Variants in IL1RAPL1 observed in about 807,000 individuals in gnomAD.
IL1RAPL1 encodes interleukin 1 receptor accessory protein like 1.
IL1RAPL1 carries 3 observed loss-of-function variants against 48.4 expected under a neutral mutation model. The ratio of observed to expected loss-of-function variants is 0.06; its 90% CI spans 0.03 to 0.16. The LOEUF (loss-of-function observed/expected upper bound fraction) is 0.16, where lower values mean the gene tolerates loss of function less well. Ranked by LOEUF, IL1RAPL1 falls within the 10% of genes least tolerant of loss-of-function variation. The pLI, the probability that IL1RAPL1 is intolerant of heterozygous loss-of-function variation, is 1.00. For missense variants in IL1RAPL1, 349 were observed against 530.6 expected (o/e 0.66, Z 3.36); for synonymous variants, 185 against 187.7 (o/e 0.99, Z 0.12).
At position 28,880,135 on chromosome X, in the gene IL1RAPL1, T is replaced by C. The variant is rs187946623; in HGVS notation, c.82+90710T>C. Among the ~76,000 whole-genome samples, 4 of 112,594 alleles carry C rather than the reference T, an allele frequency of 3.6e-5. No individual in the cohort carries two copies. The Admixed American group carries it at 3.8e-4, about 11-fold the overall frequency. ...GCATATTATATCCAGAACCTACAGA[T>C]TGTATTTTTGTCAATGTATGGTTTT... is the stretch of plus-strand genomic sequence containing the variant. On this transcript the variant is annotated intron_variant, in intron 2 of 10. Coordinates refer to ENST00000378993, the MANE Select transcript of IL1RAPL1 (RefSeq NM_014271.4).
intron 2 of IL1RAPL1, among the ~76,000 whole-genome samples, chrX:28,813,422 A>C (rs1936817886): frequency 9.0e-6 from 1 of 110,765 alleles, no homozygotes; most frequent in Non-Finnish European, 1.9e-5. Flanking sequence ...TATCCTTTTA[A>C]ATTTGTTAGG....
At chrX:28,872,978 T>C (rs1306203230) in intron 2 of IL1RAPL1, among the ~76,000 whole-genome samples, 2 of 111,490 alleles carry the variant, frequency 1.8e-5, no homozygotes, top group African/African-American at 6.5e-5. Context: ...CTGCCTTCAG[T>C]TTGCTTTTCA....
chrX:29,080,982 TTCTTTCTTTCTTTCTC>T (rs1478785188), intron 2 of IL1RAPL1, among the ~76,000 whole-genome samples: 9 of 43,351 alleles, frequency 2.1e-4, no homozygotes, highest in African/African-American at 7.1e-4. Context: ...CTTTCTTTCT[TTCTTTCTTTCTTTCTC>T]TCTCTCTCTC....
At chrX:29,310,093 CAAAAAAAAAAAAAAAAAAAAAAAA>C (rs57210050) in intron 3 of IL1RAPL1, among the ~76,000 whole-genome samples, 3 of 23,736 alleles carry the variant, frequency 1.3e-4, no homozygotes, top group African/African-American at 3.8e-4. Context: ...GACTCCGTCT[CAAAAAAAAAAAAAAAAAAAAAAAA>C]AAAAAAAAAA....
intron 1 of IL1RAPL1, among the ~76,000 whole-genome samples, chrX:28,613,855 A>G (rs1291995851): frequency 8.9e-6 from 1 of 112,381 alleles, no homozygotes; most frequent in East Asian, 2.8e-4. Flanking sequence ...ATGGAGACAG[A>G]TTAATTTTAA....
intron 3 of IL1RAPL1, among the ~76,000 whole-genome samples, chrX:29,326,126 GTTCT>G (rs1932841220): frequency 8.9e-6 from 1 of 112,243 alleles, no homozygotes; most frequent in Non-Finnish European, 1.9e-5. Context: ...CACCAAAGCT[GTTCT>G]TTCTATTTTA....
chrX:29,419,462 A>G (rs1934264277), intron 5 of IL1RAPL1, among the ~76,000 whole-genome samples: 1 of 109,912 alleles, frequency 9.1e-6, no homozygotes, highest in Non-Finnish European at 1.9e-5. Context: ...CTGGGATTAC[A>G]GGTGCCCACC....
At chrX:29,381,076 G>T (rs917193455) in intron 3 of IL1RAPL1, among the ~76,000 whole-genome samples, 1 of 111,109 alleles carries the variant, frequency 9.0e-6, no homozygotes, top group Admixed American at 9.6e-5. Context: ...AGATGAGTCT[G>T]TGTTGAGAAA....
intron 5 of IL1RAPL1, 100 bp downstream of exon 5, chrX:29,399,408 C>T: frequency 1.4e-6 from 1 of 698,315 alleles, no homozygotes; most frequent in Middle Eastern, 4.2e-4. Context: ...TAAAGAATTA[C>T]ATAATCAAAT....
intron 2 of IL1RAPL1, among the ~76,000 whole-genome samples, chrX:29,056,266 A>G (rs1376896458): frequency 1.2e-4 from 13 of 111,434 alleles, no homozygotes; most frequent in Non-Finnish European, 2.3e-4. Flanking sequence ...CCTGAGGATA[A>G]TTAATATTAT....
intron 2 of IL1RAPL1, among the ~76,000 whole-genome samples, chrX:28,877,994 T>C (rs1042341781): frequency 4.3e-4 from 48 of 112,124 alleles, no homozygotes; most frequent in African/African-American, 1.4e-3. Flanking sequence ...TAGAAATAAA[T>C]AGTAATGAAG....
Position 29,337,755 on chromosome X carries a change from A to G in IL1RAPL1, c.362+54538A>G, listed in dbSNP as rs751785415. On this transcript the variant is annotated intron_variant, in intron 3 of 10. Coordinates refer to ENST00000378993, the MANE Select transcript of IL1RAPL1 (RefSeq NM_014271.4). The stretch of plus-strand genomic sequence containing the variant: ...AGTGGCTTGATCTTGGCTCACTGAA[A>G]CCTCTGCCTCCTGGGTTTAAGTGAT... Among the ~76,000 whole-genome samples the G allele has an allele frequency of 4.5e-4, 50 of 110,924 alleles. 1 individual carries two copies. The East Asian group carries it at 0.012, about 26-fold the overall frequency.
chrX:29,095,745 T>C (rs921114191), intron 2 of IL1RAPL1, among the ~76,000 whole-genome samples: 3 of 104,670 alleles, frequency 2.9e-5, no homozygotes, highest in African/African-American at 1.0e-4. Context: ...CTGATATAAT[T>C]TGAATTCATG....
chrX:29,870,052 G>A (rs1241863882), intron 6 of IL1RAPL1, among the ~76,000 whole-genome samples: 1 of 111,762 alleles, frequency 8.9e-6, no homozygotes, highest in African/African-American at 3.3e-5. Flanking sequence ...ATCAATTCTG[G>A]AAAATGACTG....
At chrX:29,793,966 G>A (rs1259258951) in intron 6 of IL1RAPL1, among the ~76,000 whole-genome samples, 6 of 112,039 alleles carry the variant, frequency 5.4e-5, no homozygotes. Flanking sequence ...CAGTAGGGGA[G>A]GATATGGCTG....
intron 8 of IL1RAPL1, among the ~76,000 whole-genome samples, chrX:29,936,421 T>G (rs1363266267): frequency 9.1e-6 from 1 of 110,073 alleles, no homozygotes; most frequent in Non-Finnish European, 1.9e-5. Flanking sequence ...TCAAAAGACT[T>G]TTTATAATGA....
intron 2 of IL1RAPL1, among the ~76,000 whole-genome samples, chrX:29,211,615 A>G (rs1245971445): frequency 9.0e-6 from 1 of 111,157 alleles, no homozygotes; most frequent in African/African-American, 3.3e-5. Context: ...ACACCTGTAA[A>G]GTGGCCAAGG....
At chrX:29,669,517 G>C (rs1926089420) in intron 6 of IL1RAPL1, among the ~76,000 whole-genome samples, 1 of 111,333 alleles carries the variant, frequency 9.0e-6, no homozygotes, top group South Asian at 3.7e-4. Context: ...GAAGATTACA[G>C]ATGTGATAAT....
intron 3 of IL1RAPL1, among the ~76,000 whole-genome samples, chrX:29,359,575 T>C (rs892537752): frequency 4.5e-5 from 5 of 111,872 alleles, no homozygotes; most frequent in African/African-American, 1.6e-4. Flanking sequence ...TACATGGTTT[T>C]TTGTGTGTAT....
Sources: gnomAD v4.1 joint callset for allele counts (sites outside exome capture counted in the v4.1 genomes callset) on GRCh38, gnomAD v4.1.1 for gene constraint, MANE v1.5 for transcripts, NCBI Gene and HGNC (gene_info 2026-07-23, HGNC 2026-07-21) for gene names.